The following TRDN variants were observed in gnomAD, a reference collection of about 807,000 sequenced individuals.
The protein encoded by TRDN is triadin in skeletal muscle.
A neutral mutation model predicts 149.7 loss-of-function variants in TRDN; 161 were observed. The ratio of observed to expected loss-of-function variants is 1.08; its 90% confidence interval spans 0.95 to 1.23. The LOEUF (loss-of-function observed/expected upper bound fraction) is 1.23, where lower values mean the gene tolerates loss of function less well. Among genes scored for constraint, TRDN ranks in the 50% most tolerant of loss-of-function variants. TRDN has a pLI of 0.00. For synonymous variants in TRDN, 294 were observed against 250.5 expected, an observed-to-expected ratio of 1.17 and a Z score of -1.64; for missense variants, 896 against 823.5, an observed-to-expected ratio of 1.09 and a Z score of -1.08.
chr6:123,608,632 T>C (rs1583317807), intron 1 of TRDN, among the ~76,000 whole-genome samples: 2 of 152,302 alleles, frequency 1.3e-5, no homozygotes, highest in East Asian at 3.9e-4. Flanking sequence ...AAAAATGATA[T>C]GTTTTTTCTT....
In TRDN at chr6:123,614,107, G is replaced by A. The variant is rs188610596; in HGVS notation, c.22+22647C>T. ...CCTGGGGGGCTTGTTAGGAATGCAG[G>A]TTCTCAGGCTCCATCCCAGAACTAC... On this transcript the variant is annotated intron_variant, in intron 1 of 40. Coordinates refer to ENST00000334268, the MANE Select transcript of TRDN (RefSeq NM_006073.4). 1.2e-3 allele frequency among the ~76,000 whole-genome samples: 179 copies of A among 151,856 alleles called. 1 individual carries two copies. Among genetic ancestry groups the A allele is most frequent in the Non-Finnish European group, 1.2e-3 (79 of 67,942 alleles).
At chr6:123,525,263 C>G (rs1779886891) in intron 5 of TRDN, among the ~76,000 whole-genome samples, 1 of 151,996 alleles carries the variant, frequency 6.6e-6, no homozygotes, top group Admixed American at 6.6e-5. Flanking sequence ...ACATGTTCAT[C>G]ACAGCACTAT....
intron 14 of TRDN, among the ~76,000 whole-genome samples, chr6:123,383,897 T>G (rs1021513498): frequency 3.3e-5 from 5 of 152,144 alleles, no homozygotes; most frequent in Admixed American, 2.0e-4. Flanking sequence ...AATCGATTCC[T>G]GAGACAAAAC....
chr6:123,635,948 C>A (rs2114756906), intron 1 of TRDN, among the ~76,000 whole-genome samples: 1 of 151,692 alleles, frequency 6.6e-6, no homozygotes, highest in African/African-American at 2.4e-5. Flanking sequence ...AACTAGCAAC[C>A]ATCAAATAGA....
chr6:123,297,694 A>T (rs1778253525), intron 24 of TRDN, among the ~76,000 whole-genome samples: 1 of 151,974 alleles, frequency 6.6e-6, no homozygotes, highest in African/African-American at 2.4e-5. Context: ...AGTGCTAGGT[A>T]TACTTCCTTC....
intron 38 of TRDN, among the ~76,000 whole-genome samples, chr6:123,249,501 T>C (rs1776302000): frequency 6.6e-6 from 1 of 152,118 alleles, no homozygotes; most frequent in South Asian, 2.1e-4. Context: ...GCAGCACTAT[T>C]CACAATAGCA....
At chr6:123,493,562 G>A (rs1778311151) in intron 9 of TRDN, among the ~76,000 whole-genome samples, 1 of 152,006 alleles carries the variant, frequency 6.6e-6, no homozygotes, top group South Asian at 2.1e-4. Context: ...TACTTTTGAG[G>A]GTGTGACAGT....
chr6:123,571,710 C>T (rs949517734), intron 1 of TRDN, among the ~76,000 whole-genome samples: 5 of 152,016 alleles, frequency 3.3e-5, no homozygotes, highest in East Asian at 3.9e-4. Flanking sequence ...ATATTTTGCA[C>T]GTATATTTCT....
intron 2 of TRDN, among the ~76,000 whole-genome samples, chr6:123,561,076 C>A (rs191008142): frequency 6.6e-6 from 1 of 152,168 alleles, no homozygotes; most frequent in Admixed American, 6.5e-5. Flanking sequence ...TCTAGGTAGA[C>A]ACTTTCACTG....
At chr6:123,277,637 C>T (rs1777419112) in intron 26 of TRDN, among the ~76,000 whole-genome samples, 1 of 152,078 alleles carries the variant, frequency 6.6e-6, no homozygotes, top group Non-Finnish European at 1.5e-5. Flanking sequence ...GATGCATCTA[C>T]AAGCCAAGGA....
intron 19 of TRDN, among the ~76,000 whole-genome samples, chr6:123,372,008 A>T (rs183920878): frequency 2.6e-4 from 39 of 152,240 alleles, no homozygotes; most frequent in African/African-American, 7.9e-4. Context: ...GTACACCAAG[A>T]CTGTTCTAAC....
intron 9 of TRDN, among the ~76,000 whole-genome samples, chr6:123,479,527 A>T (rs983621137): frequency 2.0e-4 from 30 of 152,216 alleles, no homozygotes; most frequent in African/African-American, 6.8e-4. Flanking sequence ...ATTAAACTTG[A>T]AGAGTGTTTT....
At chr6:123,554,930 T>C (rs1781571782) in intron 2 of TRDN, among the ~76,000 whole-genome samples, 1 of 152,134 alleles carries the variant, frequency 6.6e-6, no homozygotes, top group African/African-American at 2.4e-5. Context: ...CTTAAGGTTA[T>C]AGGGTAGAAA....
chr6:123,594,777 T>C lies in TRDN; in HGVS notation c.23-23645A>G, dbSNP rs1167252306. ...AAAAAAATGCATTTTAATATATTTTTAGTATTATTTAGGTAGCATGACTTT... is the reference window on the plus strand; with the variant it reads ...AAAAAAATGCATTTTAATATATTTTCAGTATTATTTAGGTAGCATGACTTT... On this transcript the variant is annotated intron_variant, in intron 1 of 40. Transcript: ENST00000334268. Among the ~76,000 whole-genome samples the C allele has an allele frequency of 6.6e-5, 10 of 152,144 alleles. No homozygotes were observed. In the South Asian group the frequency reaches 1.9e-3, roughly 28 times the overall value.
At chr6:123,375,671 A>G in intron 18 of TRDN, 40 bp from the exon 19 acceptor site, 1 of 1,427,012 alleles carries the variant, frequency 7.0e-7, no homozygotes, top group Non-Finnish European at 9.5e-7. Flanking sequence ...CAGTAATTAC[A>G]AATCTGCTTA....
intron 1 of TRDN, among the ~76,000 whole-genome samples, chr6:123,620,193 G>A (rs1169366478): frequency 6.6e-6 from 1 of 152,126 alleles, no homozygotes; most frequent in Non-Finnish European, 1.5e-5. Flanking sequence ...TCTATATGTA[G>A]TTAACTAGGG....
chr6:123,278,243 A>C, intron 26 of TRDN, 75 bp downstream of exon 26: 1 of 1,013,324 alleles, frequency 9.9e-7, no homozygotes, highest in Non-Finnish European at 1.4e-6. Context: ...CTAGGACATG[A>C]CATTTGCAAA....
chr6:123,488,296 T>C (rs961552545), intron 9 of TRDN, among the ~76,000 whole-genome samples: 2 of 152,142 alleles, frequency 1.3e-5, no homozygotes, highest in African/African-American at 4.8e-5. Context: ...GTAATGACCC[T>C]TGGTATTTGG....
chr6:123,487,913 A>G (rs1778043184), intron 9 of TRDN, among the ~76,000 whole-genome samples: 1 of 152,244 alleles, frequency 6.6e-6, no homozygotes, highest in Middle Eastern at 3.4e-3. Context: ...TCTCCTCTGA[A>G]TCTTAAAACA....
Sources: allele counts gnomAD v4.1 joint callset (sites outside exome capture counted in the v4.1 genomes callset), GRCh38; gene constraint gnomAD v4.1.1; transcripts MANE v1.5; gene names NCBI Gene and HGNC (gene_info 2026-07-23, HGNC 2026-07-21).